The following MTUS1 variants were observed in gnomAD, a reference collection of about 807,000 sequenced individuals.
MTUS1 encodes the protein microtubule-associated tumor suppressor 1.
In MTUS1, 109 loss-of-function variants were observed where a neutral mutation model predicts 120.8. The ratio of observed to expected loss-of-function variants is 0.90; its 90% CI spans 0.77 to 1.06. MTUS1 has a LOEUF of 1.06. Among genes scored for constraint, MTUS1 ranks in the 50% least tolerant of loss-of-function variants. MTUS1 has a pLI of 0.00. For synonymous variants in MTUS1, 737 were observed against 550.5 expected (o/e 1.34, Z -4.74); for missense variants, 2,210 against 1,486.3 (o/e 1.49, Z -8.01).
At chr8:17,689,247 C>A (rs542685559) in intron 6 of MTUS1, among the ~76,000 whole-genome samples, 1 of 152,104 alleles carries the variant, frequency 6.6e-6, no homozygotes, top group African/African-American at 2.4e-5. Flanking sequence ...AAACCCCAAG[C>A]CAAGCCCAAT....
At chr8:17,738,467 G>C (rs780699160) in intron 3 of MTUS1, among the ~76,000 whole-genome samples, 2 of 152,222 alleles carry the variant, frequency 1.3e-5, no homozygotes, top group Non-Finnish European at 2.9e-5. Context: ...GCCTCCAAAA[G>C]AGAGTGAAGG....
Position 17,671,410 on chromosome 8 carries a change from G to C in MTUS1, c.2905+3776C>G, listed in dbSNP as rs531986917. Among the ~76,000 whole-genome samples, 7 of 152,220 alleles carry C rather than the reference G, an allele frequency of 4.6e-5. No individual in the cohort carries two copies. In the South Asian group the frequency reaches 1.0e-3, roughly 23 times the overall value. On this transcript the variant is annotated intron_variant, in intron 8 of 14. Transcript: ENST00000693296. ...TACAATTATGGACTTTATACCTGAAGGTAACAAGAAAACACGAGACAGTAA... is the reference window on the plus strand; with the variant it reads ...TACAATTATGGACTTTATACCTGAACGTAACAAGAAAACACGAGACAGTAA...
At chr8:17,773,278 G>A (rs895267410) in intron 1 of MTUS1, among the ~76,000 whole-genome samples, 2 of 152,142 alleles carry the variant, frequency 1.3e-5, no homozygotes, top group South Asian at 4.1e-4. Flanking sequence ...ATCACCATAC[G>A]TAGTGCAGGA....
intron 1 of MTUS1, among the ~76,000 whole-genome samples, chr8:17,779,075 G>A (rs432495): frequency 0.035 from 5,365 of 152,192 alleles, 107 homozygotes; most frequent in South Asian, 0.052. Flanking sequence ...ACGGGATTAG[G>A]GGTCAAGGAA....
intron 4 of MTUS1, chr8:17,722,761 A>G (rs572575258): frequency 6.2e-6 from 1 of 160,920 alleles, no homozygotes; most frequent in African/African-American, 2.4e-5. Flanking sequence ...GTAACAGCAG[A>G]AGTTACCTGA....
chr8:17,757,946 G>A (rs2048748073), intron 1 of MTUS1, among the ~76,000 whole-genome samples: 1 of 152,172 alleles, frequency 6.6e-6, no homozygotes, highest in South Asian at 2.1e-4. Context: ...AATGAGGGCT[G>A]TGTGATTTAT....
chr8:17,703,599 A>G (rs1819544891), intron 6 of MTUS1, among the ~76,000 whole-genome samples: 1 of 147,198 alleles, frequency 6.8e-6, no homozygotes, highest in Non-Finnish European at 1.5e-5. Context: ...ACTGCACCGC[A>G]GCCTGGGTGA....
At chr8:17,768,281 A>T (rs2049722664) in intron 1 of MTUS1, among the ~76,000 whole-genome samples, 2 of 152,176 alleles carry the variant, frequency 1.3e-5, no homozygotes, top group Admixed American at 1.3e-4. Context: ...TGAGCTCAGG[A>T]TATTAATTCA....
intron 3 of MTUS1, among the ~76,000 whole-genome samples, chr8:17,730,894 A>T (rs2046529869): frequency 6.6e-6 from 1 of 152,192 alleles, no homozygotes; most frequent in Non-Finnish European, 1.5e-5. Flanking sequence ...ATGGATATGG[A>T]GGATGGCTGC....
Position 17,747,770 on chromosome 8 carries a change from G to A in MTUS1, c.2092-3971C>T, listed in dbSNP as rs536349410. On this transcript the variant is annotated intron_variant, in intron 2 of 14. Transcript: ENST00000693296. ...CCATTTTTACGCTGCTTATAAAGAC[G>A]TACATGAGACTGGGCAACTTACAAA... Among the ~76,000 whole-genome samples, 168 of 152,226 alleles carry A rather than the reference G, an allele frequency of 1.1e-3. 2 individuals carry two copies. Among genetic ancestry groups the A allele is most frequent in the African/African-American group, 3.4e-3 (141 of 41,550 alleles).
chr8:17,790,711 G>C (rs1429476722), intron 1 of MTUS1, among the ~76,000 whole-genome samples: 1 of 152,156 alleles, frequency 6.6e-6, no homozygotes, highest in East Asian at 1.9e-4. Context: ...ACTTGGCCTG[G>C]CACAGTGGCT....
Position 17,681,902 on chromosome 8 carries a change from T to A in MTUS1, c.2838+2426A>T, listed in dbSNP as rs560203585. On this transcript the variant is annotated intron_variant, in intron 7 of 14. Transcript: ENST00000693296. ...TAACGTATTTTATTTAACCCAAATATATATATAAAATAATATTTCAATATA... is the reference window on the plus strand; with the variant it reads ...TAACGTATTTTATTTAACCCAAATAAATATATAAAATAATATTTCAATATA... Among the ~76,000 whole-genome samples the A allele has an allele frequency of 1.2e-3, 181 of 152,258 alleles. 1 individual carries two copies. Among genetic ancestry groups the A allele is most frequent in the African/African-American group, 4.2e-3 (173 of 41,560 alleles).
Position 17,655,966 on chromosome 8 carries a change from T to A in MTUS1, c.3005A>T (p.Glu1002Val). 1 of 1,614,238 alleles carries A rather than the reference T, an allele frequency of 6.2e-7. No homozygotes were observed. The highest frequency in any genetic ancestry group is 8.5e-7 in the Non-Finnish European group (1 of 1,180,030). ...FVQQHQAEKT[E>V]RENRLKEFYT... is the part of the protein sequence containing the mutation. ...AAACTCTTTAAGCCGATTCTCTCGT[T>A]CTGTTTTTTCAGCCTGGTGCTGCTG... Residue 1002 changes from glutamate to valine, a missense_variant, in exon 9 of 15, where the codon GAA (glutamate) becomes GTA (valine). Glu to Val is a moderately radical substitution (Grantham distance 121). Transcript: ENST00000693296.
intron 2 of MTUS1, among the ~76,000 whole-genome samples, chr8:17,750,933 G>A (rs2048140495): frequency 6.6e-6 from 1 of 152,152 alleles, no homozygotes; most frequent in Admixed American, 6.5e-5. Flanking sequence ...GATACACCCT[G>A]ACCACCAATG....
chr8:17,743,257 G>A (rs1371486657), intron 3 of MTUS1, among the ~76,000 whole-genome samples: 1 of 151,638 alleles, frequency 6.6e-6, no homozygotes, highest in Non-Finnish European at 1.5e-5. Flanking sequence ...GGCACACTAG[G>A]GACCTACCGT....
At chr8:17,706,571 C>T (rs1263925183) in intron 6 of MTUS1, among the ~76,000 whole-genome samples, 3 of 152,096 alleles carry the variant, frequency 2.0e-5, no homozygotes, top group African/African-American at 7.2e-5. Context: ...AGCCAGGTGT[C>T]TTTTATGTCA....
At chr8:17,782,663 C>G (rs759270292) in intron 1 of MTUS1, among the ~76,000 whole-genome samples, 1 of 152,126 alleles carries the variant, frequency 6.6e-6, no homozygotes, top group African/African-American at 2.4e-5. Flanking sequence ...AAAACTGATC[C>G]CTTTTCTTTA....
chr8:17,672,210 G>A (rs1460675936), intron 8 of MTUS1, among the ~76,000 whole-genome samples: 1 of 152,178 alleles, frequency 6.6e-6, no homozygotes, highest in African/African-American at 2.4e-5. Flanking sequence ...AACAGCCAGT[G>A]TGGTTAATTA....
intron 8 of MTUS1, among the ~76,000 whole-genome samples, chr8:17,661,189 ATC>A (rs751594488): frequency 1.6e-4 from 25 of 152,192 alleles, no homozygotes; most frequent in Non-Finnish European, 2.2e-4. Context: ...CCTCGTGTGA[ATC>A]TCGTATTAGA....
Sources: gnomAD v4.1 joint callset for allele counts (sites outside exome capture counted in the v4.1 genomes callset) on GRCh38, gnomAD v4.1.1 for gene constraint, MANE v1.5 for transcripts, NCBI Gene and HGNC (gene_info 2026-07-23, HGNC 2026-07-21) for gene names.